PTCHD4: variants seen among roughly 807,000 people sequenced by gnomAD.
The protein encoded by PTCHD4 is patched domain containing 4, also known as patched domain-containing protein 4.
In PTCHD4, 33 loss-of-function variants were observed where a neutral mutation model predicts 58.1. The ratio of observed to expected loss-of-function variants is 0.57; its 90% CI spans 0.43 to 0.76. The LOEUF (loss-of-function observed/expected upper bound fraction) is 0.76, where lower values mean the gene tolerates loss of function less well. PTCHD4 is among the 30% of genes least tolerant of loss of function. The pLI is 0.00. For synonymous variants in PTCHD4, 478 were observed against 409.6 expected, an observed-to-expected ratio of 1.17 and a Z score of -2.02; for missense variants, 1,058 against 1,027.1, an observed-to-expected ratio of 1.03 and a Z score of -0.41.
At position 48,101,862 on chromosome 6, in the gene PTCHD4, T is replaced by C. The variant is rs146855006; in HGVS notation, c.-970+9187A>G. Among the ~76,000 whole-genome samples the C allele has an allele frequency of 6.6e-5, 10 of 152,296 alleles. No homozygotes were observed. The East Asian group carries it at 1.7e-3, about 26-fold the overall frequency. On this transcript the variant is annotated intron_variant, in intron 1 of 4. Transcript: ENST00000339488. ...TCTCTCCTTCTAGCTAATCAGGTCC[T>C]CTAATTAGCTGGTGCGGTTGGATGA...
chr6:48,078,656 T>A (rs1765103825), intron 1 of PTCHD4, among the ~76,000 whole-genome samples: 1 of 152,206 alleles, frequency 6.6e-6, no homozygotes, highest in South Asian at 2.1e-4. Context: ...TCTACATTTT[T>A]TTCTTCCTTC....
At position 47,879,648 on chromosome 6, in the gene PTCHD4, T is replaced by C. The variant is rs779114139; in HGVS notation, c.1187A>G (p.Asn396Ser). 1 of 1,613,574 alleles carries C rather than the reference T, an allele frequency of 6.2e-7. No homozygotes were observed. The highest frequency in any genetic ancestry group is 1.1e-5 in the South Asian group (1 of 91,062). ...ACAGCAAAAGATGCTGTGGTAGCGG[T>C]TTTGCTCTAGTTGGCCAGCAAAGAC... ...CLVFAGQLEQ[N>S]RYHSIFCCKI... The change falls in exon 5 of 5, where the codon AAC becomes AGC. Residue 396 changes from asparagine to serine, a missense_variant. By Grantham distance (46) the Asn-to-Ser change is conservative. Transcript: ENST00000339488.
At chr6:48,061,391 T>A (rs1480144593) in intron 3 of PTCHD4, among the ~76,000 whole-genome samples, 1 of 152,216 alleles carries the variant, frequency 6.6e-6, no homozygotes, top group Admixed American at 6.5e-5. Context: ...GTTTCCATGA[T>A]AACACCATGA....
intron 3 of PTCHD4, among the ~76,000 whole-genome samples, chr6:48,062,306 A>C (rs1764657745): frequency 6.6e-6 from 1 of 152,094 alleles, no homozygotes; most frequent in South Asian, 2.1e-4. Context: ...CTCCTTATAC[A>C]CTTCCATCAT....
At chr6:48,003,007 C>G (rs769487259) in intron 4 of PTCHD4, among the ~76,000 whole-genome samples, 29 of 152,106 alleles carry the variant, frequency 1.9e-4, no homozygotes, top group Non-Finnish European at 3.4e-4. Flanking sequence ...CTTTACTCTG[C>G]TGCTGGTTCG....
At position 47,858,359 on chromosome 6, in the gene PTCHD4, T is replaced by C. The variant is rs925412198; in HGVS notation, c.*19944A>G. Among the ~76,000 whole-genome samples the C allele has an allele frequency of 6.6e-6, 1 of 152,018 alleles. No homozygotes were observed. The highest frequency in any genetic ancestry group is 2.4e-5 in the African/African-American group (1 of 41,434). ...TGTGTATGAAAGACAATTAGATATA[T>C]TCAGCTTACCTTAACTTCAAGATTC... is the stretch of plus-strand genomic sequence containing the variant. On this transcript the variant is annotated 3_prime_UTR_variant, in exon 5 of 5. Coordinates refer to ENST00000339488, the MANE Select transcript of PTCHD4 (RefSeq NM_001384253.1).
At chr6:48,106,425 T>C (rs902795966) in intron 1 of PTCHD4, among the ~76,000 whole-genome samples, 8 of 152,160 alleles carry the variant, frequency 5.3e-5, no homozygotes, top group African/African-American at 1.7e-4. Flanking sequence ...AAATTCTCAA[T>C]AAATTAGGTA....
At position 47,868,208 on chromosome 6, in the gene PTCHD4, A is replaced by T. The variant is rs1251981963; in HGVS notation, c.*10095T>A. 4.0e-5 allele frequency among the ~76,000 whole-genome samples: 6 copies of T among 151,506 alleles called. No homozygotes were observed. Among genetic ancestry groups the T allele is most frequent in the African/African-American group, 1.5e-4 (6 of 41,316 alleles). On this transcript the variant is annotated 3_prime_UTR_variant, in exon 5 of 5. Transcript: ENST00000339488. ...ACTTTACCTTTTTTTTTAAAAAAAC[A>T]CCCTTGTCCTTAATTTTTCTTTATG... is the stretch of plus-strand genomic sequence containing the variant.
intron 3 of PTCHD4, among the ~76,000 whole-genome samples, chr6:48,063,494 T>A (rs1230289837): frequency 2.6e-5 from 4 of 152,154 alleles, no homozygotes; most frequent in African/African-American, 7.2e-5. Context: ...GATCTAATAT[T>A]GTATTGTGGT....
At chr6:48,058,050 C>G (rs1307736242) in intron 3 of PTCHD4, among the ~76,000 whole-genome samples, 3 of 152,216 alleles carry the variant, frequency 2.0e-5, no homozygotes, top group African/African-American at 7.2e-5. Context: ...CATTGGTAAT[C>G]TGTTATAGTC....
intron 4 of PTCHD4, among the ~76,000 whole-genome samples, chr6:47,962,774 C>G (rs552179120): frequency 1.3e-5 from 2 of 150,960 alleles, no homozygotes; most frequent in Admixed American, 6.6e-5. Context: ...ACTAATATAC[C>G]ATATATCTAA....
chr6:47,955,876 C>T (rs905646092), intron 4 of PTCHD4, among the ~76,000 whole-genome samples: 3 of 152,110 alleles, frequency 2.0e-5, no homozygotes, highest in Admixed American at 1.3e-4. Context: ...CTGTCCTGTT[C>T]CTTTCCAAGT....
At chr6:48,047,068 C>T (rs1582073771) in intron 3 of PTCHD4, among the ~76,000 whole-genome samples, 1 of 151,738 alleles carries the variant, frequency 6.6e-6, no homozygotes, top group Non-Finnish European at 1.5e-5. Context: ...GGTCCAATCA[C>T]CAGAATGATT....
chr6:48,098,393 C>T (rs2113909545), intron 1 of PTCHD4, among the ~76,000 whole-genome samples: 1 of 138,306 alleles, frequency 7.2e-6, no homozygotes, highest in Admixed American at 7.7e-5. Context: ...GGCTGGAGTG[C>T]AGTGGCAGGA....
chr6:47,873,846 CT>C lies in PTCHD4; in HGVS notation c.*4456del, dbSNP rs944870771. Among the ~76,000 whole-genome samples, 2 of 151,738 alleles carry C rather than the reference CT, an allele frequency of 1.3e-5. No individual in the cohort carries two copies. Among genetic ancestry groups the C allele is most frequent in the African/African-American group, 4.8e-5 (2 of 41,478 alleles). ...TTTGGTAATTGAGAAAAAGCTAAAACTTTTTTTGTTTGTTTTTTGTTTGTAA... is the reference window on the plus strand; with the variant it reads ...TTTGGTAATTGAGAAAAAGCTAAAACTTTTTTGTTTGTTTTTTGTTTGTAA... On this transcript the variant is annotated 3_prime_UTR_variant, in exon 5 of 5. Coordinates refer to ENST00000339488, the MANE Select transcript of PTCHD4 (RefSeq NM_001384253.1).
chr6:47,909,977 G>T (rs527909953), intron 4 of PTCHD4, among the ~76,000 whole-genome samples: 10 of 152,046 alleles, frequency 6.6e-5, no homozygotes, highest in Non-Finnish European at 1.2e-4. Flanking sequence ...TTATATAAAC[G>T]TGTTTGTTTT....
intron 4 of PTCHD4, among the ~76,000 whole-genome samples, chr6:47,968,812 A>G (rs963514843): frequency 1.3e-5 from 2 of 152,218 alleles, no homozygotes; most frequent in African/African-American, 4.8e-5. Flanking sequence ...CTTTATAATG[A>G]AAATGAGAGA....
intron 3 of PTCHD4, among the ~76,000 whole-genome samples, chr6:48,010,021 C>T (rs1762609205): frequency 6.6e-6 from 1 of 152,124 alleles, no homozygotes; most frequent in Admixed American, 6.5e-5. Flanking sequence ...CAGTGTGCCC[C>T]AACATGAAGA....
chr6:48,104,096 G>A (rs1336230772), intron 1 of PTCHD4, among the ~76,000 whole-genome samples: 1 of 152,150 alleles, frequency 6.6e-6, no homozygotes, highest in Non-Finnish European at 1.5e-5. Context: ...GGGAAATACA[G>A]AGAATGCCAC....
Sources: allele counts gnomAD v4.1 joint callset (sites outside exome capture counted in the v4.1 genomes callset), GRCh38; gene constraint gnomAD v4.1.1; transcripts MANE v1.5; gene names NCBI Gene and HGNC (gene_info 2026-07-23, HGNC 2026-07-21).